ACVR2A: variants seen among roughly 807,000 people sequenced by gnomAD.
The protein encoded by ACVR2A is activin A receptor type 2A.
A neutral mutation model predicts 61.4 loss-of-function variants in ACVR2A; 7 were observed. The observed-to-expected ratio is 0.11, with a 90% confidence interval of 0.06 to 0.21. The LOEUF (loss-of-function observed/expected upper bound fraction) is 0.21. Ranked by LOEUF, ACVR2A falls within the 10% of genes least tolerant of loss-of-function variation. ACVR2A has a pLI of 1.00. For synonymous variants in ACVR2A, 193 were observed against 208.3 expected (o/e 0.93, Z 0.63); for missense variants, 322 against 621.7 (o/e 0.52, Z 5.13).
At chr2:147,898,100 A>C (rs1686786290) in intron 2 of ACVR2A, 1 of 152,186 alleles carries the variant, frequency 6.6e-6, no homozygotes, top group East Asian at 1.9e-4. Context: ...TTTTCACTGG[A>C]GTCTGCAAGT....
At chr2:147,899,066 C>T (rs937093999) in intron 2 of ACVR2A, among the ~76,000 whole-genome samples, 14 of 151,996 alleles carry the variant, frequency 9.2e-5, no homozygotes, top group African/African-American at 3.4e-4. Context: ...TTTTTGTATT[C>T]ACAGAATGGA....
At chr2:147,918,688 A>G (rs924428352) in intron 7 of ACVR2A, 96 bp downstream of exon 7, 2 of 1,104,332 alleles carry the variant, frequency 1.8e-6, no homozygotes, top group African/African-American at 3.2e-5. Flanking sequence ...TTTGTTATGC[A>G]ATCATGCTTT....
intron 4 of ACVR2A, among the ~76,000 whole-genome samples, chr2:147,914,719 A>C (rs1475684004): frequency 6.6e-6 from 1 of 152,034 alleles, no homozygotes; most frequent in Non-Finnish European, 1.5e-5. Context: ...CTCTGAGATT[A>C]ATGAAGAAAA....
chr2:147,870,677 C>T (rs1021332700), intron 1 of ACVR2A, among the ~76,000 whole-genome samples: 1 of 152,128 alleles, frequency 6.6e-6, no homozygotes, highest in Non-Finnish European at 1.5e-5. Context: ...CCTGATTTAT[C>T]TCATTTCATT....
At chr2:147,880,639 T>G (rs1686277415) in intron 1 of ACVR2A, among the ~76,000 whole-genome samples, 1 of 152,218 alleles carries the variant, frequency 6.6e-6, no homozygotes, top group East Asian at 1.9e-4. Context: ...TTTTACTTTC[T>G]ACTTGTTGTG....
At chr2:147,865,423 TGACTTTTCTATAAG>T (rs1220142288) in intron 1 of ACVR2A, among the ~76,000 whole-genome samples, 58 of 152,350 alleles carry the variant, frequency 3.8e-4, no homozygotes, top group Admixed American at 7.2e-4. Context: ...GATTATGAAT[TGACTTTTCTATAAG>T]TTTGACGCTA....
chr2:147,864,084 T>C (rs1490509028), intron 1 of ACVR2A, among the ~76,000 whole-genome samples: 1 of 152,156 alleles, frequency 6.6e-6, no homozygotes, highest in East Asian at 1.9e-4. Context: ...GTTGGGTGAG[T>C]GAGCAAGAAC....
intron 4 of ACVR2A, among the ~76,000 whole-genome samples, chr2:147,911,793 A>C (rs1687123796): frequency 6.6e-6 from 1 of 152,030 alleles, no homozygotes. Context: ...TATTTATTTA[A>C]GGTAGGATGT....
chr2:147,927,324 G>A lies in ACVR2A; in HGVS notation c.*50G>A. The A allele has an allele frequency of 1.3e-6, 2 of 1,520,372 alleles. No individual in the cohort carries two copies. The highest frequency in any genetic ancestry group is 8.9e-7 in the Non-Finnish European group (1 of 1,125,130). 94.2% of individuals were successfully genotyped at this position (1,520,372 alleles called of 1,614,324 possible). On this transcript the variant is annotated 3_prime_UTR_variant, in exon 11 of 11. Coordinates refer to ENST00000241416, the MANE Select transcript of ACVR2A (RefSeq NM_001616.5). ...AGAAATGGGACTCTGAACTGGAGCT[G>A]CTAAGCTAAAGAAACTGCTTACAGT...
chr2:147,917,345 C>T lies in ACVR2A; in HGVS notation c.735C>T (p.Asn245=), dbSNP rs773830306. ...GTTTGCCTGGAATGAAGCATGAGAA[C>T]ATATTACAGTTCATTGGTGCAGAAA... is the stretch of plus-strand genomic sequence containing the variant. ...VYSLPGMKHE[N]ILQFIGAEKR... Residue 245 remains asparagine, a synonymous_variant, in exon 6 of 11, where the codon AAC becomes AAT. Coordinates refer to ENST00000241416, the MANE Select transcript of ACVR2A (RefSeq NM_001616.5). 1.2e-6 allele frequency: 2 copies of T among 1,612,338 alleles called. No homozygotes were observed. The highest frequency in any genetic ancestry group is 4.5e-5 in the East Asian group (2 of 44,782).
chr2:147,900,159 C>T (rs1401082413), intron 4 of ACVR2A, among the ~76,000 whole-genome samples: 3 of 152,054 alleles, frequency 2.0e-5, no homozygotes, highest in Non-Finnish European at 4.4e-5. Context: ...GTTTTACTCT[C>T]ATGCTAACAC....
At chr2:147,898,869 C>T (rs1014515767) in intron 2 of ACVR2A, among the ~76,000 whole-genome samples, 1 of 151,780 alleles carries the variant, frequency 6.6e-6, no homozygotes, top group South Asian at 2.1e-4. Context: ...CAACCCTGTT[C>T]ATTGCATTCA....
At chr2:147,877,573 A>G (rs1421954298) in intron 1 of ACVR2A, 1 of 152,208 alleles carries the variant, frequency 6.6e-6, no homozygotes, top group Non-Finnish European at 1.5e-5. Context: ...TGTTGAATTT[A>G]AAGTAAGGAG....
rs765239205 is a variant in ACVR2A at position 147,859,362 on chromosome 2, G to T, written c.55+14155G>T. Among the ~76,000 whole-genome samples the T allele has an allele frequency of 5.3e-4, 81 of 152,002 alleles. 2 individuals are homozygous for T. Among genetic ancestry groups the T allele is most frequent in the Non-Finnish European group, 2.1e-4 (14 of 68,002 alleles). ...GTAACAAAACTAAAAAGAGCTTTCT[G>T]TGTGTGATTAGAGAGGAGGGCATGG... is the stretch of plus-strand genomic sequence containing the variant. On this transcript the variant is annotated intron_variant, in intron 1 of 10. Coordinates refer to ENST00000241416, the MANE Select transcript of ACVR2A (RefSeq NM_001616.5).
At chr2:147,859,601 C>T (rs1316359249) in intron 1 of ACVR2A, among the ~76,000 whole-genome samples, 1 of 151,990 alleles carries the variant, frequency 6.6e-6, no homozygotes, top group Non-Finnish European at 1.5e-5. Flanking sequence ...TACTGGGTCA[C>T]AGTGAAAAAT....
intron 4 of ACVR2A, among the ~76,000 whole-genome samples, chr2:147,904,082 G>A (rs1328875682): frequency 6.6e-6 from 1 of 151,972 alleles, no homozygotes; most frequent in Non-Finnish European, 1.5e-5. Context: ...ATAAGAGAAT[G>A]ACATTATTCA....
At chr2:147,866,422 G>T (rs186105826) in intron 1 of ACVR2A, among the ~76,000 whole-genome samples, 115 of 152,292 alleles carry the variant, frequency 7.6e-4, no homozygotes, top group Middle Eastern at 3.4e-3. Flanking sequence ...TTTCCAAGAG[G>T]CTCCCAGTGA....
chr2:147,920,429 A>C (rs765014598), intron 8 of ACVR2A, 85 bp downstream of exon 8: 10 of 1,031,066 alleles, frequency 9.7e-6, no homozygotes, highest in Non-Finnish European at 1.5e-5. Context: ...GAATTAGTCT[A>C]AAATTGTTGT....
intron 1 of ACVR2A, among the ~76,000 whole-genome samples, chr2:147,863,357 T>C (rs899582465): frequency 6.6e-6 from 1 of 152,130 alleles, no homozygotes; most frequent in African/African-American, 2.4e-5. Context: ...ACCTCTGAAA[T>C]GAAAGTACAC....
Sources: gnomAD v4.1 joint callset for allele counts (sites outside exome capture counted in the v4.1 genomes callset) on GRCh38, gnomAD v4.1.1 for gene constraint, MANE v1.5 for transcripts, NCBI Gene and HGNC (gene_info 2026-07-23, HGNC 2026-07-21) for gene names.